The following RICTOR variants were observed in gnomAD, a reference collection of about 807,000 sequenced individuals.
RICTOR encodes the protein rapamycin-insensitive companion of mTOR.
RICTOR carries 49 observed loss-of-function variants against 214.9 expected under a neutral mutation model. The ratio of observed to expected loss-of-function variants is 0.23; its 90% confidence interval spans 0.18 to 0.29. The LOEUF (loss-of-function observed/expected upper bound fraction) is 0.29. RICTOR is among the 10% of genes least tolerant of loss of function. The probability of loss-of-function intolerance (pLI) is 1.00; values close to 1 mark genes in which losing one functional copy is unlikely to be tolerated. For synonymous variants in RICTOR, 717 were observed against 711.3 expected (o/e 1.01, Z -0.13); for missense variants, 1,625 against 2,047.0 (o/e 0.79, Z 3.98).
chr5:39,014,658 G>A (rs1342640875), intron 3 of RICTOR, among the ~76,000 whole-genome samples: 1 of 152,106 alleles, frequency 6.6e-6, no homozygotes, highest in Non-Finnish European at 1.5e-5. Context: ...TTATGAGCAT[G>A]TTGTCAGTTA....
chr5:39,074,102 C>T lies in RICTOR; in HGVS notation c.97+9G>A, dbSNP rs1428441708. 2 of 1,563,076 alleles carry T rather than the reference C, an allele frequency of 1.3e-6. No homozygotes were observed. Among genetic ancestry groups the T allele is most frequent in the Non-Finnish European group, 8.6e-7 (1 of 1,157,812 alleles). ...GCGCCCTCGCGGCGCCCGCGGCGCC[C>T]CGCGTTACCTCGGGTCAGATCCAGC... On this transcript the variant is annotated intron_variant, in intron 2 of 37. Coordinates refer to ENST00000357387, the MANE Select transcript of RICTOR (RefSeq NM_152756.5).
rs182359050 is a variant in RICTOR, at chr5:38,985,658, T to C, written c.584-3622A>G. Among the ~76,000 whole-genome samples the C allele has an allele frequency of 3.2e-4, 48 of 152,254 alleles. 1 individual carries two copies. Among genetic ancestry groups the C allele is most frequent in the African/African-American group, 7.5e-4 (31 of 41,576 alleles). ...CATGTTCCCCACTGGCCCCAGTTTT[T>C]TCCCTGTTTAGCCCTTTCATGCCTT... On this transcript the variant is annotated intron_variant, in intron 7 of 37. Coordinates refer to ENST00000357387, the MANE Select transcript of RICTOR (RefSeq NM_152756.5).
In RICTOR at chr5:38,940,019, CT is replaced by C. The variant is rs35397307; in HGVS notation, c.*2284del. 5,429 of 199,784 alleles carry C rather than the reference CT, an allele frequency of 0.027. 1 individual carries two copies. The highest frequency in any genetic ancestry group is 0.064 in the Middle Eastern group (39 of 612). The allele number at this position is 199,784 out of a possible 1,614,324, so 12.4% of individuals were successfully genotyped here. A position where few individuals can be genotyped will look rare whatever the true frequency, so the allele number is the denominator to read the frequency against. On this transcript the variant is annotated 3_prime_UTR_variant, in exon 38 of 38. Coordinates refer to ENST00000357387, the MANE Select transcript of RICTOR (RefSeq NM_152756.5). ...ATAGCACTATAAATTTAAGCGTAGA[CT>C]TTTTTTTTTTTTTAGTATACTGATA...
chr5:39,003,089 T>C (rs188301761), intron 4 of RICTOR, among the ~76,000 whole-genome samples: 215 of 152,208 alleles, frequency 1.4e-3, no homozygotes, highest in Non-Finnish European at 2.0e-3. Context: ...ATAATAATAA[T>C]TTATGCCAAT....
At chr5:39,040,541 AAT>A (rs1475281866) in intron 2 of RICTOR, among the ~76,000 whole-genome samples, 2 of 152,138 alleles carry the variant, frequency 1.3e-5, no homozygotes, top group African/African-American at 2.4e-5. Context: ...ATTTACTTAG[AAT>A]ATGTTTTATA....
chr5:38,946,170 T>G (rs1475001015), intron 33 of RICTOR, among the ~76,000 whole-genome samples: 1 of 152,078 alleles, frequency 6.6e-6, no homozygotes, highest in East Asian at 2.0e-4. Flanking sequence ...TTCCTGGATC[T>G]ATGAGGATTA....
At chr5:39,048,855 C>A (rs746493958) in intron 2 of RICTOR, among the ~76,000 whole-genome samples, 7 of 151,986 alleles carry the variant, frequency 4.6e-5, no homozygotes, top group Non-Finnish European at 7.4e-5. Flanking sequence ...TGAGTCAATG[C>A]AAGACAAGGA....
Position 38,944,997 on chromosome 5 carries a change from T to C in RICTOR, c.4705A>G (p.Lys1569Glu), listed in dbSNP as rs1278592403. The change falls in exon 35 of 38, where the codon AAG becomes GAG. Residue 1569 changes from lysine to glutamate, a missense_variant. Transcript: ENST00000357387. ...IHNPLEVVPSKFSGISGCSDG... is the reference protein window; with the variant it reads ...IHNPLEVVPSEFSGISGCSDG... Reference sequence around the variant, plus strand: ...CTGCATCCAGAAATCCCCGAAAACTTAGAGGGAACCACTTCTAAAGGATTA... The same window carrying C: ...CTGCATCCAGAAATCCCCGAAAACTCAGAGGGAACCACTTCTAAAGGATTA... 1.9e-6 allele frequency: 3 copies of C among 1,613,130 alleles called. No individual in the cohort carries two copies. The highest frequency in any genetic ancestry group is 2.2e-5 in the South Asian group (2 of 91,060).
rs142383138 is a variant in RICTOR at position 39,051,086 on chromosome 5, C to T, written c.97+23025G>A. Among the ~76,000 whole-genome samples the T allele has an allele frequency of 3.4e-3, 518 of 151,858 alleles. 12 individuals carry two copies. Among genetic ancestry groups the T allele is most frequent in the Admixed American group, 0.026 (404 of 15,248 alleles). On this transcript the variant is annotated intron_variant, in intron 2 of 37. Transcript: ENST00000357387. ...ACACGCACCTACACACACACACACG[C>T]GGCATATAACCAGTAATTCCACGCT...
At chr5:39,007,493 C>T (rs919847440) in intron 3 of RICTOR, among the ~76,000 whole-genome samples, 8 of 152,062 alleles carry the variant, frequency 5.3e-5, no homozygotes, top group African/African-American at 1.4e-4. Flanking sequence ...ATTCAACATA[C>T]GAATTTTGAC....
At chr5:38,960,747 C>G (rs1172510900) in intron 19 of RICTOR, among the ~76,000 whole-genome samples, 1 of 13,516 alleles carries the variant, frequency 7.4e-5, no homozygotes, top group African/African-American at 1.1e-4. Flanking sequence ...TTCCCATAAT[C>G]CCCACATGTC....
Position 39,062,340 on chromosome 5 carries a change from C to T in RICTOR, c.97+11771G>A, listed in dbSNP as rs76405521. Among the ~76,000 whole-genome samples the T allele has an allele frequency of 6.8e-3, 1,039 of 152,198 alleles. 49 individuals carry two copies. In the East Asian group the frequency reaches 0.12, roughly 18 times the overall value. On this transcript the variant is annotated intron_variant, in intron 2 of 37. Transcript: ENST00000357387. ...GGCTAAATGTTAAGAGTTCACAGCT[C>T]ACCTACCTCAAAATGTGTTTCCAAC...
In RICTOR at chr5:38,947,417, T is replaced by G. The variant is rs1197394906; in HGVS notation, c.4161A>C (p.Ala1387=). 1 of 1,611,000 alleles carries G rather than the reference T, an allele frequency of 6.2e-7. No individual in the cohort carries two copies. The highest frequency in any genetic ancestry group is 1.7e-5 in the Admixed American group (1 of 59,946). Residue 1387 remains alanine (A), a synonymous_variant, in exon 32 of 38, where the codon GCA becomes GCC. Coordinates refer to ENST00000357387, the MANE Select transcript of RICTOR (RefSeq NM_152756.5). ...PSRFMKALSY[A]SLDKEDLLSP... ...TCAATAAATCTTCTTTATCTAATGA[T>G]GCATAACTTAAGGCTTTCATGAACC...
intron 2 of RICTOR, among the ~76,000 whole-genome samples, chr5:39,067,714 T>C (rs1277036751): frequency 6.6e-6 from 1 of 152,216 alleles, no homozygotes; most frequent in Non-Finnish European, 1.5e-5. Flanking sequence ...CACATTTATA[T>C]AATCACGTGA....
At chr5:39,049,497 TAAAAC>T (rs1011602862) in intron 2 of RICTOR, among the ~76,000 whole-genome samples, 10 of 151,812 alleles carry the variant, frequency 6.6e-5, no homozygotes, top group African/African-American at 2.4e-4. Flanking sequence ...AGATAAAACT[TAAAAC>T]AAATAAGCAT....
At chr5:38,975,235 A>T (rs1751111245) in intron 10 of RICTOR, among the ~76,000 whole-genome samples, 1 of 152,184 alleles carries the variant, frequency 6.6e-6, no homozygotes. Context: ...CAAGTTTTGT[A>T]GGTTTTTTTG....
intron 10 of RICTOR, among the ~76,000 whole-genome samples, chr5:38,972,977 A>C (rs1750913438): frequency 6.7e-6 from 1 of 149,654 alleles, no homozygotes; most frequent in South Asian, 2.1e-4. Context: ...TGAGTATCAA[A>C]ATCATTCTGT....
chr5:39,052,616 G>GT (rs1391277822), intron 2 of RICTOR, among the ~76,000 whole-genome samples: 1 of 152,130 alleles, frequency 6.6e-6, no homozygotes, highest in Non-Finnish European at 1.5e-5. Flanking sequence ...ATAATTTGCA[G>GT]TTTATATTTT....
intron 2 of RICTOR, among the ~76,000 whole-genome samples, chr5:39,060,685 T>C (rs1401496872): frequency 6.6e-6 from 1 of 152,056 alleles, no homozygotes; most frequent in East Asian, 1.9e-4. Flanking sequence ...AACAACTGTA[T>C]AGAAATGGCT....
Sources: allele counts gnomAD v4.1 joint callset (sites outside exome capture counted in the v4.1 genomes callset), GRCh38; gene constraint gnomAD v4.1.1; transcripts MANE v1.5; gene names NCBI Gene and HGNC (gene_info 2026-07-23, HGNC 2026-07-21).